POF1B: variants seen among roughly 807,000 people sequenced by gnomAD.
POF1B encodes POF1B actin binding protein.
A neutral mutation model predicts 55.3 loss-of-function variants in POF1B; 53 were observed. The observed-to-expected ratio is 0.96, with a 90% confidence interval of 0.77 to 1.20. POF1B has a LOEUF of 1.20. Ranked by LOEUF, POF1B falls within the 50% of genes most tolerant of loss-of-function variation. The pLI is 0.00. For missense variants in POF1B, 478 were observed against 420.5 expected (o/e 1.14, Z -1.20); for synonymous variants, 188 against 148.3 (o/e 1.27, Z -1.95).
At chrX:85,319,847 A>T (rs948630656) in intron 7 of POF1B, among the ~76,000 whole-genome samples, 1 of 111,408 alleles carries the variant, frequency 9.0e-6, no homozygotes, top group Non-Finnish European at 1.9e-5. Flanking sequence ...TGTTGCATCC[A>T]TGCCAGGTTT....
At chrX:85,329,912 AC>A (rs1380078305) in intron 7 of POF1B, among the ~76,000 whole-genome samples, 10 of 109,734 alleles carry the variant, frequency 9.1e-5, no homozygotes, top group Admixed American at 2.0e-4. Flanking sequence ...GAGTGAGAAA[AC>A]GTACAAAATA....
chrX:85,279,959 T>C (rs767577108), intron 16 of POF1B, among the ~76,000 whole-genome samples: 2 of 111,255 alleles, frequency 1.8e-5, no homozygotes, highest in East Asian at 2.8e-4. Context: ...CATCAAATTA[T>C]CTTTGAGTGG....
At chrX:85,364,340 T>C (rs1227825771) in intron 3 of POF1B, among the ~76,000 whole-genome samples, 1 of 111,952 alleles carries the variant, frequency 8.9e-6, no homozygotes, top group African/African-American at 3.2e-5. Context: ...TGCTTTATAA[T>C]GTAACTGATC....
chrX:85,352,155 C>T (rs940084780), intron 4 of POF1B, among the ~76,000 whole-genome samples: 15 of 110,754 alleles, frequency 1.4e-4, no homozygotes, highest in Admixed American at 5.8e-4. Context: ...AAACTGGGGA[C>T]GAGCTAATAA....
chrX:85,294,213 T>C (rs1932259061), intron 15 of POF1B, among the ~76,000 whole-genome samples: 2 of 111,497 alleles, frequency 1.8e-5, no homozygotes, highest in South Asian at 7.5e-4. Context: ...TTTTATTTCT[T>C]GCTCTTGTCT....
At chrX:85,324,240 C>G (rs1304679156) in intron 7 of POF1B, among the ~76,000 whole-genome samples, 2 of 111,367 alleles carry the variant, frequency 1.8e-5, no homozygotes, top group African/African-American at 6.5e-5. Context: ...TCCATTTTGT[C>G]AAGTGTTGAT....
chrX:85,293,623 G>A (rs936129662), intron 15 of POF1B, among the ~76,000 whole-genome samples: 1 of 111,574 alleles, frequency 9.0e-6, no homozygotes. Context: ...TCTGTGACTC[G>A]TTTACCTATG....
intron 2 of POF1B, among the ~76,000 whole-genome samples, chrX:85,371,385 C>T: frequency 9.0e-6 from 1 of 111,430 alleles, no homozygotes; most frequent in Non-Finnish European, 1.9e-5. Context: ...GCTTTCTGTG[C>T]CAAACATGTT....
chrX:85,336,504 G>A (rs1351569942), intron 6 of POF1B, among the ~76,000 whole-genome samples: 2 of 110,863 alleles, frequency 1.8e-5, no homozygotes, highest in South Asian at 3.8e-4. Flanking sequence ...TCCATTTTAA[G>A]TAGGGTGAGA....
intron 4 of POF1B, among the ~76,000 whole-genome samples, 199 bp downstream of exon 4, chrX:85,359,351 A>T (rs920865987): frequency 3.6e-5 from 4 of 111,389 alleles, no homozygotes; most frequent in Admixed American, 9.6e-5. Context: ...GAAGTATTGC[A>T]TCTCTGAGTC....
chrX:85,311,816 C>T (rs1932707476), intron 9 of POF1B, among the ~76,000 whole-genome samples: 1 of 112,092 alleles, frequency 8.9e-6, no homozygotes, highest in Admixed American at 9.5e-5. Context: ...GTTCCTATTT[C>T]TCCACATCCA....
intron 6 of POF1B, among the ~76,000 whole-genome samples, chrX:85,339,022 G>A (rs1032773923): frequency 3.0e-5 from 3 of 99,053 alleles, no homozygotes; most frequent in African/African-American, 1.5e-4. Context: ...AGGGATAGAG[G>A]GTAGAGAAAA....
intron 4 of POF1B, among the ~76,000 whole-genome samples, chrX:85,354,029 A>C (rs1207873727): frequency 9.0e-6 from 1 of 110,809 alleles, no homozygotes; most frequent in Non-Finnish European, 1.9e-5. Flanking sequence ...GAAAAAAATT[A>C]TGCAGTCATA....
intron 6 of POF1B, 142 bp from the exon 7 acceptor site, chrX:85,331,221 T>C (rs767915765): frequency 1.7e-6 from 1 of 572,936 alleles, no homozygotes; most frequent in African/African-American, 2.4e-5. Context: ...CATTTTTTAA[T>C]GTGGGAGAAA....
At chrX:85,354,211 T>A (rs1933441070) in intron 4 of POF1B, among the ~76,000 whole-genome samples, 1 of 111,021 alleles carries the variant, frequency 9.0e-6, no homozygotes. Flanking sequence ...AAATGACACT[T>A]GTTTTAAATA....
At chrX:85,299,094 C>T (rs1336732654) in intron 15 of POF1B, among the ~76,000 whole-genome samples, 1 of 111,071 alleles carries the variant, frequency 9.0e-6, no homozygotes, top group East Asian at 2.8e-4. Flanking sequence ...TTAGGAAAAA[C>T]AGCTAAATCA....
chrX:85,346,298 A>T (rs1024650914), intron 5 of POF1B, among the ~76,000 whole-genome samples: 3 of 110,291 alleles, frequency 2.7e-5, no homozygotes, highest in African/African-American at 9.9e-5. Context: ...GCATGTTCTA[A>T]TTAAATTAAT....
chrX:85,366,684 A>T (rs1933729456), intron 3 of POF1B, among the ~76,000 whole-genome samples: 1 of 111,248 alleles, frequency 9.0e-6, no homozygotes, highest in Non-Finnish European at 1.9e-5. Context: ...TATAACCTTT[A>T]TCCCACTGTC....
intron 6 of POF1B, 91 bp from the exon 7 acceptor site, chrX:85,331,170 C>A (rs777659260): frequency 1.1e-6 from 1 of 908,129 alleles, no homozygotes. Context: ...AGATAACCTA[C>A]TAAAGTCATC....
Sources: gnomAD v4.1 joint callset for allele counts (sites outside exome capture counted in the v4.1 genomes callset) on GRCh38, gnomAD v4.1.1 for gene constraint, MANE v1.5 for transcripts, NCBI Gene and HGNC (gene_info 2026-07-23, HGNC 2026-07-21) for gene names.